The following GLCCI1 variants were observed in gnomAD, a reference collection of about 807,000 sequenced individuals.
GLCCI1 encodes glucocorticoid induced 1.
In GLCCI1, 24 loss-of-function variants were observed where a neutral mutation model predicts 52.2. The observed-to-expected ratio is 0.46, with a 90% CI of 0.33 to 0.65. The LOEUF (loss-of-function observed/expected upper bound fraction) is 0.65. Among genes scored for constraint, GLCCI1 ranks in the 30% least tolerant of loss-of-function variants. The pLI, the probability that GLCCI1 is intolerant of heterozygous loss-of-function variation, is 0.02. For synonymous variants in GLCCI1, 310 were observed against 276.5 expected (o/e 1.12, Z -1.20); for missense variants, 704 against 701.5 (o/e 1.00, Z -0.04).
chr7:7,979,700 C>G (rs1780568656), intron 1 of GLCCI1, among the ~76,000 whole-genome samples: 1 of 152,106 alleles, frequency 6.6e-6, no homozygotes, highest in African/African-American at 2.4e-5. Flanking sequence ...AATGTGGCTT[C>G]TTGTGTAGTA....
At chr7:8,035,551 G>C (rs1192696958) in intron 3 of GLCCI1, among the ~76,000 whole-genome samples, 1 of 152,112 alleles carries the variant, frequency 6.6e-6, no homozygotes, top group Non-Finnish European at 1.5e-5. Flanking sequence ...GTGAAAGGTG[G>C]GGCACCTCCC....
At chr7:8,025,501 G>GATA (rs1781598533) in intron 3 of GLCCI1, among the ~76,000 whole-genome samples, 1 of 151,734 alleles carries the variant, frequency 6.6e-6, no homozygotes, top group Non-Finnish European at 1.5e-5. Flanking sequence ...TGAATTAGAA[G>GATA]ATAAGTCAAT....
chr7:8,060,298 C>G, intron 5 of GLCCI1, 50 bp downstream of exon 5: 2 of 1,453,716 alleles, frequency 1.4e-6, no homozygotes, highest in Non-Finnish European at 1.9e-6. Context: ...ATATAACGAA[C>G]TGTCTGAAAA....
chr7:8,074,232 CACTATTATAAA>C (rs1782826130), intron 6 of GLCCI1, among the ~76,000 whole-genome samples: 2 of 108,704 alleles, frequency 1.8e-5, no homozygotes, highest in African/African-American at 6.6e-5. Context: ...ACAAATAATA[CACTATTATAAA>C]TACACTATTA....
intron 6 of GLCCI1, among the ~76,000 whole-genome samples, chr7:8,071,631 T>C (rs1646523400): frequency 6.6e-6 from 1 of 152,236 alleles, no homozygotes; most frequent in African/African-American, 2.4e-5. Flanking sequence ...AGATAAATTA[T>C]TAACTGTTGA....
chr7:8,026,686 G>A (rs1347698621), intron 3 of GLCCI1, among the ~76,000 whole-genome samples: 2 of 152,234 alleles, frequency 1.3e-5, no homozygotes, highest in Non-Finnish European at 2.9e-5. Flanking sequence ...GAAGAATAAA[G>A]CCATGCTGGC....
At chr7:8,064,239 T>TA (rs1441689243) in intron 5 of GLCCI1, among the ~76,000 whole-genome samples, 2 of 152,232 alleles carry the variant, frequency 1.3e-5, no homozygotes, top group African/African-American at 4.8e-5. Context: ...GTTTCAGGTT[T>TA]TATATTTAAG....
At chr7:8,042,980 A>C (rs1782036104) in intron 3 of GLCCI1, among the ~76,000 whole-genome samples, 1 of 152,212 alleles carries the variant, frequency 6.6e-6, no homozygotes, top group African/African-American at 2.4e-5. Flanking sequence ...TTATTTTAAG[A>C]AATTACCACA....
intron 3 of GLCCI1, among the ~76,000 whole-genome samples, chr7:8,043,610 T>TG (rs570093556): frequency 1.0e-3 from 153 of 152,228 alleles, no homozygotes; most frequent in African/African-American, 3.4e-3. Context: ...AAGGGAAATT[T>TG]GGGGGGTGAT....
chr7:7,997,162 C>G (rs1001026909), intron 1 of GLCCI1, among the ~76,000 whole-genome samples: 5 of 151,986 alleles, frequency 3.3e-5, no homozygotes, highest in Non-Finnish European at 7.4e-5. Context: ...GAAAAACATA[C>G]CAGTCACCTT....
intron 1 of GLCCI1, among the ~76,000 whole-genome samples, chr7:7,983,121 C>G (rs1279491229): frequency 2.0e-5 from 3 of 152,036 alleles, no homozygotes; most frequent in African/African-American, 7.2e-5. Context: ...CTTGGTAAAG[C>G]AAACAATGTT....
At chr7:7,995,830 A>G (rs958033427) in intron 1 of GLCCI1, among the ~76,000 whole-genome samples, 1 of 152,156 alleles carries the variant, frequency 6.6e-6, no homozygotes, top group Non-Finnish European at 1.5e-5. Context: ...CAGCACACCA[A>G]CATGGCACAT....
At chr7:8,033,292 A>T (rs1781796637) in intron 3 of GLCCI1, among the ~76,000 whole-genome samples, 2 of 152,064 alleles carry the variant, frequency 1.3e-5, no homozygotes, top group African/African-American at 4.8e-5. Context: ...AAACCTACAG[A>T]TTACTCATAT....
chr7:8,056,405 C>T (rs1369610383), intron 4 of GLCCI1, among the ~76,000 whole-genome samples: 1 of 152,192 alleles, frequency 6.6e-6, no homozygotes, highest in Non-Finnish European at 1.5e-5. Context: ...AGCAACTATG[C>T]ACATTATCTC....
chr7:8,051,482 T>C (rs1782256949), intron 3 of GLCCI1, among the ~76,000 whole-genome samples: 1 of 152,230 alleles, frequency 6.6e-6, no homozygotes, highest in South Asian at 2.1e-4. Context: ...CTCTTTTGAG[T>C]CAGGTTACTG....
chr7:8,064,764 G>A (rs1782592934), intron 5 of GLCCI1, among the ~76,000 whole-genome samples: 2 of 152,102 alleles, frequency 1.3e-5, no homozygotes, highest in South Asian at 4.1e-4. Context: ...CTGAAGTGCA[G>A]TGGCATGGTC....
At chr7:8,013,686 C>T (rs560975019) in intron 2 of GLCCI1, among the ~76,000 whole-genome samples, 1 of 152,184 alleles carries the variant, frequency 6.6e-6, no homozygotes, top group Admixed American at 6.5e-5. Context: ...GAATATTTTA[C>T]AACTTCTTAT....
chr7:8,049,895 C>T (rs1488110708), intron 3 of GLCCI1, among the ~76,000 whole-genome samples: 4 of 152,168 alleles, frequency 2.6e-5, no homozygotes, highest in Admixed American at 2.6e-4. Flanking sequence ...TTCTCATCTG[C>T]AGTATAAATT....
At chr7:8,066,877 T>G (rs1465861384) in intron 5 of GLCCI1, among the ~76,000 whole-genome samples, 1 of 152,146 alleles carries the variant, frequency 6.6e-6, no homozygotes, top group South Asian at 2.1e-4. Flanking sequence ...GTTGAAGAGT[T>G]CTGTAGATGT....
Sources: gnomAD v4.1 joint callset for allele counts (sites outside exome capture counted in the v4.1 genomes callset) on GRCh38, gnomAD v4.1.1 for gene constraint, MANE v1.5 for transcripts, NCBI Gene and HGNC (gene_info 2026-07-23, HGNC 2026-07-21) for gene names.